SFI1: variants seen among roughly 807,000 people sequenced by gnomAD.
SFI1 encodes the protein protein SFI1 homolog.
SFI1 carries 195 observed loss-of-function variants against 207.5 expected under a neutral mutation model. The observed-to-expected ratio is 0.94, with a 90% CI of 0.84 to 1.06. SFI1 has a LOEUF of 1.06. Ranked by LOEUF, SFI1 falls within the 50% of genes least tolerant of loss-of-function variation. The pLI, the probability that SFI1 is intolerant of heterozygous loss-of-function variation, is 0.00. For missense variants in SFI1, 1,634 were observed against 1,588.0 expected, an observed-to-expected ratio of 1.03 and a Z score of -0.49; for synonymous variants, 630 against 598.9, an observed-to-expected ratio of 1.05 and a Z score of -0.76.
chr22:31,511,464 G>GTTTTTTTTTTTTT (rs758898165), intron 2 of SFI1, among the ~76,000 whole-genome samples: 2 of 114,558 alleles, frequency 1.7e-5, no homozygotes, highest in Non-Finnish European at 3.5e-5. Flanking sequence ...CATAGTTTCT[G>GTTTTTTTTTTTTT]TTTTTTTTTT....
intron 2 of SFI1, chr22:31,521,465 G>A (rs529484830): frequency 3.7e-5 from 6 of 160,014 alleles, no homozygotes; most frequent in Non-Finnish European, 8.4e-5. Context: ...ATGACTGGTC[G>A]TCCTACATTT....
chr22:31,526,528 T>A (rs182973759), intron 2 of SFI1, among the ~76,000 whole-genome samples: 71 of 152,250 alleles, frequency 4.7e-4, no homozygotes, highest in African/African-American at 1.6e-3. Flanking sequence ...GCAGATGCGA[T>A]TTGGGTGGGG....
intron 14 of SFI1, among the ~76,000 whole-genome samples, chr22:31,589,105 A>C (rs1347613817): frequency 6.6e-6 from 1 of 152,196 alleles, no homozygotes; most frequent in African/African-American, 2.4e-5. Flanking sequence ...CAAAAACCCC[A>C]TACATATCAC....
chr22:31,612,392 A>T lies in SFI1; in HGVS notation c.2490+552A>T, dbSNP rs1412444776. The T allele has an allele frequency of 3.3e-3, 349 of 106,764 alleles. 1 individual carries two copies. Among genetic ancestry groups the T allele is most frequent in the East Asian group, 0.017 (42 of 2,416 alleles). 6.6% of individuals were successfully genotyped at this position (106,764 alleles called of 1,614,324 possible). ...GAGACTCTGTCTAAAAAAAAAAAAA[A>T]AAAAAAATATATATATATATATATA... On this transcript the variant is annotated intron_variant, in intron 24 of 32. Transcript: ENST00000400288.
chr22:31,515,126 C>T (rs1259593327), intron 2 of SFI1, among the ~76,000 whole-genome samples: 2 of 152,054 alleles, frequency 1.3e-5, no homozygotes, highest in African/African-American at 4.8e-5. Context: ...GCTTTGGTAT[C>T]ACACTTTGAT....
rs181772688 is a variant in SFI1 at position 31,574,624 on chromosome 22, A to G, written c.923-607A>G. 1.5e-4 allele frequency among the ~76,000 whole-genome samples: 23 copies of G among 152,336 alleles called. No individual in the cohort carries two copies. In the East Asian group the frequency reaches 2.9e-3, roughly 19 times the overall value. ...GTAACAGTTTTCATTTCTGTTCATC[A>G]GTATCTAACTAGAAGCCTCAGCCCT... On this transcript the variant is annotated intron_variant, in intron 9 of 32. Coordinates refer to ENST00000400288, the MANE Select transcript of SFI1 (RefSeq NM_001007467.3).
intron 8 of SFI1, among the ~76,000 whole-genome samples, chr22:31,571,535 A>G (rs2062952393): frequency 6.6e-6 from 1 of 151,214 alleles, no homozygotes; most frequent in Admixed American, 6.6e-5. Flanking sequence ...GGCTGGGCTC[A>G]AACTCCTGAG....
In SFI1 at chr22:31,602,313, G is replaced by C; in HGVS notation, c.1626+20G>C. ...AGAATGGTAAATGGCTGTCCCTGAG[G>C]AGATGTGTGGAGGGGCAGGATCTGA... is the stretch of plus-strand genomic sequence containing the variant. On this transcript the variant is annotated intron_variant, in intron 16 of 32. Coordinates refer to ENST00000400288, the MANE Select transcript of SFI1 (RefSeq NM_001007467.3). 3 of 1,605,478 alleles carry C rather than the reference G, an allele frequency of 1.9e-6. No individual in the cohort carries two copies. The highest frequency in any genetic ancestry group is 2.6e-6 in the Non-Finnish European group (3 of 1,172,808).
At chr22:31,599,610 G>A (rs990392136) in intron 15 of SFI1, among the ~76,000 whole-genome samples, 6 of 152,142 alleles carry the variant, frequency 3.9e-5, no homozygotes, top group African/African-American at 9.7e-5. Flanking sequence ...GATTACAGGC[G>A]TGAGCCACCG....
intron 8 of SFI1, among the ~76,000 whole-genome samples, chr22:31,568,198 GTGTGTGTGTGTGTA>G (rs2062560312): frequency 1.5e-5 from 2 of 137,892 alleles, no homozygotes; most frequent in South Asian, 4.6e-4. Context: ...TGTGTGTTGT[GTGTGTGTGTGTGTA>G]TATATATATA....
Position 31,585,088 on chromosome 22 carries a change from G to A in SFI1, c.1367G>A (p.Cys456Tyr). 1.2e-6 allele frequency: 2 copies of A among 1,614,112 alleles called. No homozygotes were observed. The highest frequency in any genetic ancestry group is 1.7e-6 in the Non-Finnish European group (2 of 1,179,996). Reference protein sequence around the residue: ...DHYRIALLCKCIELWLQYTQK... With the variant: ...DHYRIALLCKYIELWLQYTQK... ...TTCAGAATAGCACTGCTGTGCAAATGTATCGAATTGTGGCTACAGTATACT... is the reference window on the plus strand; with the variant it reads ...TTCAGAATAGCACTGCTGTGCAAATATATCGAATTGTGGCTACAGTATACT... The change falls in exon 14 of 33, where the codon TGT (cysteine) becomes TAT (tyrosine). Residue 456 changes from cysteine (C) to tyrosine (Y), a missense_variant. Coordinates refer to ENST00000400288, the MANE Select transcript of SFI1 (RefSeq NM_001007467.3).
At chr22:31,538,050 C>G (rs551942016) in intron 4 of SFI1, among the ~76,000 whole-genome samples, 3 of 152,152 alleles carry the variant, frequency 2.0e-5, no homozygotes, top group Non-Finnish European at 4.4e-5. Context: ...TGGCTCACTG[C>G]AACTTTCGCT....
intron 6 of SFI1, chr22:31,550,659 C>T (rs1230703574): frequency 1.2e-4 from 34 of 282,700 alleles, no homozygotes; most frequent in Non-Finnish European, 4.1e-5. Flanking sequence ...CCTGGGGCTG[C>T]CATCTATCTT....
chr22:31,577,278 G>A (rs920689454), intron 10 of SFI1, among the ~76,000 whole-genome samples: 5 of 152,206 alleles, frequency 3.3e-5, no homozygotes, highest in African/African-American at 9.6e-5. Flanking sequence ...GAAGGTTGAT[G>A]TCTTAGGGGA....
At position 31,546,953 on chromosome 22, in the gene SFI1, G is replaced by C. The variant is rs371433549; in HGVS notation, c.431G>C (p.Arg144Pro). ...VFQHEWKLCV[R>P]ADCHYRYYLY... ...CAGCACGAGTGGAAACTCTGTGTTC[G>C]AGCTGACTGTCACTACAGGTCAGGT... Residue 144 changes from arginine (R) to proline (P), a missense_variant, in exon 5 of 33, where the codon CGA (arginine) becomes CCA (proline). Coordinates refer to ENST00000400288, the MANE Select transcript of SFI1 (RefSeq NM_001007467.3). 1.9e-6 allele frequency: 3 copies of C among 1,610,138 alleles called. No homozygotes were observed. The highest frequency in any genetic ancestry group is 1.1e-5 in the South Asian group (1 of 90,146).
chr22:31,521,002 CAAAAA>C (rs57346699), intron 2 of SFI1, among the ~76,000 whole-genome samples: 6 of 47,500 alleles, frequency 1.3e-4, no homozygotes, highest in Non-Finnish European at 2.0e-4. Context: ...GACCCTGTCT[CAAAAA>C]AAAAAAAAAA....
chr22:31,589,265 A>C (rs530259169), intron 14 of SFI1, among the ~76,000 whole-genome samples, 182 bp from the exon 15 acceptor site: 7 of 151,564 alleles, frequency 4.6e-5, no homozygotes, highest in Admixed American at 4.6e-4. Context: ...TTAAGTGAAA[A>C]TTTTTTTACC....
At chr22:31,545,584 A>AATTTTATTTAATTTTATTTT (rs1555984025) in intron 4 of SFI1, among the ~76,000 whole-genome samples, 1 of 144,884 alleles carries the variant, frequency 6.9e-6, no homozygotes. Context: ...AATTTAATTT[A>AATTTTATTTAATTTTATTTT]ATTTTATTTT....
chr22:31,618,133 G>T lies in SFI1; in HGVS notation c.3531G>T (p.Ala1177=). ...CCCTCAGGTCCTGTCGGCGGCAAGC[G>T]AGCAGCCTGCGCAGGTGGCTGGAGC... is the stretch of plus-strand genomic sequence containing the variant. ...KQNLWSCRRQ[A]SSLRRWLELN... is the part of the protein sequence containing the mutation. Residue 1177 remains alanine, a synonymous_variant, in exon 32 of 33, where the codon GCG becomes GCT. Coordinates refer to ENST00000400288, the MANE Select transcript of SFI1 (RefSeq NM_001007467.3). 1 of 1,580,476 alleles carries T rather than the reference G, an allele frequency of 6.3e-7. No individual in the cohort carries two copies. The highest frequency in any genetic ancestry group is 1.2e-5 in the South Asian group (1 of 86,024).
Sources: gnomAD v4.1 joint callset for allele counts (sites outside exome capture counted in the v4.1 genomes callset) on GRCh38, gnomAD v4.1.1 for gene constraint, MANE v1.5 for transcripts, NCBI Gene and HGNC (gene_info 2026-07-23, HGNC 2026-07-21) for gene names.